Variants in ARL6IP4 observed in about 807,000 individuals in gnomAD.
The protein encoded by ARL6IP4 is ADP-ribosylation factor-like protein 6-interacting protein 4.
ARL6IP4 carries 24 observed loss-of-function variants against 28.1 expected under a neutral mutation model. The observed-to-expected ratio is 0.86, with a 90% CI of 0.62 to 1.20. The LOEUF is 1.20. Ranked by LOEUF, ARL6IP4 falls within the 50% of genes most tolerant of loss-of-function variation. The pLI is 0.00. For synonymous variants in ARL6IP4, 162 were observed against 122.3 expected, an observed-to-expected ratio of 1.32 and a Z score of -2.14; for missense variants, 343 against 302.4, an observed-to-expected ratio of 1.13 and a Z score of -1.00.
At chr12:122,981,503 C>G in intron 2 of ARL6IP4, 68 bp from the exon 3 acceptor site, 1 of 1,441,384 alleles carries the variant, frequency 6.9e-7, no homozygotes, top group Non-Finnish European at 9.2e-7. Flanking sequence ...CACCCTGTAG[C>G]CGGTCTGTGC....
In ARL6IP4 at chr12:122,980,731, C is replaced by A; in HGVS notation, c.-26C>A. On this transcript the variant is annotated 5_prime_UTR_variant, in exon 1 of 6. Coordinates refer to ENST00000315580, the MANE Select transcript of ARL6IP4 (RefSeq NM_018694.4). ...AAGGCGCGGGGCGGGCTGTCCGGCC[C>A]GCAGGGCGGTCGAGGTGGGAACGGA... The A allele has an allele frequency of 7.6e-7, 1 of 1,322,446 alleles. No individual in the cohort carries two copies. Among genetic ancestry groups the A allele is most frequent in the South Asian group, 2.1e-5 (1 of 48,494 alleles). 81.9% of individuals were successfully genotyped at this position (1,322,446 alleles called of 1,614,324 possible).
chr12:122,981,346 G>T, intron 2 of ARL6IP4, 47 bp downstream of exon 2: 1 of 1,515,720 alleles, frequency 6.6e-7, no homozygotes, highest in Non-Finnish European at 8.9e-7. Context: ...TACTACCCGG[G>T]GAAGTCGGGC....
chr12:122,982,779 C>A lies in ARL6IP4; in HGVS notation c.*103C>A. 1 of 1,254,996 alleles carries A rather than the reference C, an allele frequency of 8.0e-7. No homozygotes were observed. 77.7% of individuals were successfully genotyped at this position (1,254,996 alleles called of 1,614,324 possible). A position where few individuals can be genotyped will look rare whatever the true frequency, so the allele number is the denominator to read the frequency against. ...TGATGGGTGCTGGTGGCCTTTCCCC[C>A]GTGGATTGGTCTCTGGCCCAGCCCA... On this transcript the variant is annotated 3_prime_UTR_variant, in exon 6 of 6. Coordinates refer to ENST00000315580, the MANE Select transcript of ARL6IP4 (RefSeq NM_018694.4).
chr12:122,982,352 A>G (rs1005844496), intron 4 of ARL6IP4, 117 bp from the exon 5 acceptor site: 1 of 1,059,186 alleles, frequency 9.4e-7, no homozygotes, highest in Non-Finnish European at 1.4e-6. Context: ...GGGTCTGTCC[A>G]CTCAAGGCTG....
chr12:122,981,509 T>G (rs2037652389), intron 2 of ARL6IP4, 62 bp from the exon 3 acceptor site: 2 of 1,451,640 alleles, frequency 1.4e-6, no homozygotes, highest in Non-Finnish European at 1.8e-6. Context: ...GTAGCCGGTC[T>G]GTGCCTGCCC....
At chr12:122,981,331 G>A (rs767957070) in intron 2 of ARL6IP4, 32 bp downstream of exon 2, 31 of 1,527,076 alleles carry the variant, frequency 2.0e-5, no homozygotes, top group Non-Finnish European at 2.6e-5. Flanking sequence ...GAGAGGAGGC[G>A]CAGTTACTAC....
Position 122,982,780 on chromosome 12 carries a change from GT to G in ARL6IP4, c.*105del. On this transcript the variant is annotated 3_prime_UTR_variant, in exon 6 of 6. Transcript: ENST00000315580. ...GATGGGTGCTGGTGGCCTTTCCCCC[GT>G]GGATTGGTCTCTGGCCCAGCCCAGT... The G allele has an allele frequency of 8.0e-7, 1 of 1,253,568 alleles. No homozygotes were observed. Among genetic ancestry groups the G allele is most frequent in the Non-Finnish European group, 1.1e-6 (1 of 881,302 alleles). The allele number at this position is 1,253,568 out of a possible 1,614,324, so 77.7% of individuals were successfully genotyped here.
chr12:122,982,143 G>A, intron 4 of ARL6IP4, 69 bp downstream of exon 4: 1 of 1,553,076 alleles, frequency 6.4e-7, no homozygotes, highest in Non-Finnish European at 8.9e-7. Flanking sequence ...GTGCTCTCGG[G>A]AGGAGTGGGG....
rs778154895 is a variant in ARL6IP4 at position 122,982,714 on chromosome 12, G to A, written c.*38G>A. The stretch of plus-strand genomic sequence containing the variant: ...GCCAAGGCCTGTGGACGACGCTGGC[G>A]GCCCAGCCTGGGCAGGTTTCAGGGT... On this transcript the variant is annotated 3_prime_UTR_variant, in exon 6 of 6. Coordinates refer to ENST00000315580, the MANE Select transcript of ARL6IP4 (RefSeq NM_018694.4). 6.3e-6 allele frequency: 10 copies of A among 1,599,010 alleles called. No homozygotes were observed. Among genetic ancestry groups the A allele is most frequent in the East Asian group, 2.2e-5 (1 of 44,792 alleles).
rs945832917 is a variant in ARL6IP4, at chr12:122,980,700, C to T, written c.-57C>T. ...GGAAGCCTCCTCGCCGCCGCTTCCT[C>T]TCGAGAAGGCGCGGGGCGGGCTGTC... On this transcript the variant is annotated 5_prime_UTR_variant, in exon 1 of 6. Coordinates refer to ENST00000315580, the MANE Select transcript of ARL6IP4 (RefSeq NM_018694.4). The T allele has an allele frequency of 2.2e-6, 3 of 1,334,892 alleles. No individual in the cohort carries two copies. The highest frequency in any genetic ancestry group is 1.5e-5 in the African/African-American group (1 of 65,160). 82.7% of individuals were successfully genotyped at this position (1,334,892 alleles called of 1,614,324 possible). A position where few individuals can be genotyped will look rare whatever the true frequency, so the allele number is the denominator to read the frequency against.
chr12:122,982,397 C>CT, intron 4 of ARL6IP4, 72 bp from the exon 5 acceptor site: 2 of 1,441,964 alleles, frequency 1.4e-6, no homozygotes, highest in South Asian at 2.5e-5. Context: ...CTGCCGGCTG[C>CT]TTGTGGTTCT....
chr12:122,981,290 G>T lies in ARL6IP4; in HGVS notation c.151G>T (p.Gly51Trp). The change falls in exon 2 of 6, where the codon GGG becomes TGG. Residue 51 changes from glycine (G) to tryptophan (W), a missense_variant. Transcript: ENST00000315580. ...AGGTCGCAAGGCCAGCACGGCCCCT[G>T]GGGCGGAGGGTGAGGACCACAGGCA... ...SQGRKASTAPGAEASPSPCIT... is the reference protein window; with the variant it reads ...SQGRKASTAPWAEASPSPCIT... 1 of 1,547,832 alleles carries T rather than the reference G, an allele frequency of 6.5e-7. No individual in the cohort carries two copies. The highest frequency in any genetic ancestry group is 1.4e-5 in the African/African-American group (1 of 72,956).
At position 122,982,379 on chromosome 12, in the gene ARL6IP4, G is replaced by A. The variant is rs2037721748; in HGVS notation, c.588-90G>A. 4 of 1,300,932 alleles carry A rather than the reference G, an allele frequency of 3.1e-6. No homozygotes were observed. In the Admixed American group the frequency reaches 6.0e-5, roughly 20 times the overall value. The allele number at this position is 1,300,932 out of a possible 1,614,324, so 80.6% of individuals were successfully genotyped here. Reference sequence around the variant, plus strand: ...TCAAGGCTGCGGGGTGGGAGCCCTGGGACCCCTCTGCCGGCTGCTTGTGGT... The same window carrying A: ...TCAAGGCTGCGGGGTGGGAGCCCTGAGACCCCTCTGCCGGCTGCTTGTGGT... On this transcript the variant is annotated intron_variant, in intron 4 of 5. Transcript: ENST00000315580.
At chr12:122,980,533 G>A (rs767425808), upstream of ARL6IP4, 1 of 1,366,608 alleles carries the variant, frequency 7.3e-7, no homozygotes. Flanking sequence ...ACAGGCGTGA[G>A]GGGCTGCGGA....
chr12:122,981,930 G>T (rs897697087), intron 3 of ARL6IP4, 27 bp from the exon 4 acceptor site: 3 of 1,613,634 alleles, frequency 1.9e-6, no homozygotes, highest in Non-Finnish European at 2.5e-6. Context: ...CCCAAGGCCT[G>T]GCCACCACCT....
chr12:122,982,071 C>T lies in ARL6IP4; in HGVS notation c.584C>T (p.Thr195Ile). 5.0e-6 allele frequency: 8 copies of T among 1,613,316 alleles called. No individual in the cohort carries two copies. Among genetic ancestry groups the T allele is most frequent in the Non-Finnish European group, 6.8e-6 (8 of 1,179,926 alleles). ...GTGGTGGACCCTGAGACGGGGCGCA[C>T]CAGGTGGGGAGCTTTCGGCCTGACT... is the stretch of plus-strand genomic sequence containing the variant. Reference protein sequence around the residue: ...RKVVDPETGRTRLIKGDGEVL... With the variant: ...RKVVDPETGRIRLIKGDGEVL... Residue 195 changes from threonine (T) to isoleucine (I), a missense_variant, in exon 4 of 6, where the codon ACC becomes ATC. Physicochemically the swap from Thr to Ile is moderately conservative, Grantham distance 89. Coordinates refer to ENST00000315580, the MANE Select transcript of ARL6IP4 (RefSeq NM_018694.4).
At chr12:122,982,101 C>T in intron 4 of ARL6IP4, 27 bp downstream of exon 4, 1 of 1,604,748 alleles carries the variant, frequency 6.2e-7, no homozygotes, top group South Asian at 1.1e-5. Flanking sequence ...CTGACTTACA[C>T]CACAGGATCT....
chr12:122,981,017 C>A, intron 1 of ARL6IP4, 112 bp from the exon 2 acceptor site: 1 of 1,410,030 alleles, frequency 7.1e-7, no homozygotes, highest in Admixed American at 3.1e-5. Flanking sequence ...TTTCCCGGGA[C>A]GGTGACGGGT....
chr12:122,981,158 C>A lies in ARL6IP4; in HGVS notation c.19C>A (p.Arg7Ser). 2 of 1,549,262 alleles carry A rather than the reference C, an allele frequency of 1.3e-6. No homozygotes were observed. The highest frequency in any genetic ancestry group is 1.7e-6 in the Non-Finnish European group (2 of 1,146,556). MAHVGSRKRSRSRSRSR... is the reference protein window; with the variant it reads MAHVGSSKRSRSRSRSR... ...CGGCGCCATGGCTCACGTCGGCTCC[C>A]GCAAGCGCTCGAGGAGTCGCAGCCG... Residue 7 changes from arginine to serine, a missense_variant, in exon 2 of 6, where the codon CGC becomes AGC. Physicochemically the swap from Arg to Ser is moderately radical, Grantham distance 110. Coordinates refer to ENST00000315580, the MANE Select transcript of ARL6IP4 (RefSeq NM_018694.4).
Sources: gnomAD v4.1 joint callset for allele counts on GRCh38, gnomAD v4.1.1 for gene constraint, MANE v1.5 for transcripts, NCBI Gene and HGNC (gene_info 2026-07-23, HGNC 2026-07-21) for gene names.